ABCG2: variants seen among roughly 807,000 people sequenced by gnomAD.
ABCG2 encodes the protein broad substrate specificity ATP-binding cassette transporter ABCG2.
A neutral mutation model predicts 73.5 loss-of-function variants in ABCG2; 80 were observed. That is an observed-to-expected ratio of 1.09 (90% CI 0.91 to 1.31). The LOEUF (loss-of-function observed/expected upper bound fraction) is 1.31, where lower values mean the gene tolerates loss of function less well. Ranked by LOEUF, ABCG2 falls within the 50% of genes most tolerant of loss-of-function variation. ABCG2 has a pLI of 0.00. For synonymous variants in ABCG2, 269 were observed against 282.4 expected, an observed-to-expected ratio of 0.95 and a Z score of 0.48; for missense variants, 796 against 786.2, an observed-to-expected ratio of 1.01 and a Z score of -0.15.
intron 1 of ABCG2, among the ~76,000 whole-genome samples, chr4:88,183,192 A>G (rs866779075): frequency 7.9e-5 from 12 of 151,742 alleles, no homozygotes; most frequent in Middle Eastern, 3.2e-3. Context: ...CAAACCCAAA[A>G]CTGGTAGAAG....
chr4:88,111,525 CAT>C (rs1387962825), intron 9 of ABCG2, among the ~76,000 whole-genome samples: 1 of 151,730 alleles, frequency 6.6e-6, no homozygotes, highest in African/African-American at 2.4e-5. Context: ...TACATATATA[CAT>C]ATATATACAT....
chr4:88,109,252 C>T (rs1722966213), intron 9 of ABCG2, among the ~76,000 whole-genome samples: 1 of 152,124 alleles, frequency 6.6e-6, no homozygotes, highest in Non-Finnish European at 1.5e-5. Context: ...CCCGCCTTGG[C>T]CTCCCAAAGC....
intron 15 of ABCG2, among the ~76,000 whole-genome samples, chr4:88,094,332 C>A (rs1322890207): frequency 1.3e-5 from 2 of 152,100 alleles, no homozygotes; most frequent in East Asian, 3.9e-4. Flanking sequence ...AGGCCCAAAA[C>A]AATAAGAAAC....
At chr4:88,181,897 TAAC>T (rs1202408085) in intron 1 of ABCG2, among the ~76,000 whole-genome samples, 1 of 150,144 alleles carries the variant, frequency 6.7e-6, no homozygotes, top group Non-Finnish European at 1.5e-5. Context: ...ATAAAACAAA[TAAC>T]AAAATGGCAG....
chr4:88,100,084 T>C (rs572259283), intron 11 of ABCG2, among the ~76,000 whole-genome samples: 71 of 152,182 alleles, frequency 4.7e-4, no homozygotes, highest in African/African-American at 1.3e-3. Context: ...ATTATTTCCC[T>C]TTCTAATAAT....
At chr4:88,103,000 A>G (rs945700884) in intron 10 of ABCG2, among the ~76,000 whole-genome samples, 5 of 152,210 alleles carry the variant, frequency 3.3e-5, no homozygotes, top group Non-Finnish European at 5.9e-5. Context: ...AACTGAGTTG[A>G]ACTCCTGGCC....
chr4:88,131,654 T>A (rs1560696310), intron 4 of ABCG2, 149 bp downstream of exon 4: 1 of 612,108 alleles, frequency 1.6e-6, no homozygotes, highest in Non-Finnish European at 2.9e-6. Context: ...CACATAAGTG[T>A]CTATGAGAAA....
chr4:88,125,710 A>G (rs968516256), intron 5 of ABCG2, among the ~76,000 whole-genome samples: 1 of 151,960 alleles, frequency 6.6e-6, no homozygotes, highest in Non-Finnish European at 1.5e-5. Flanking sequence ...GAAGGCAGAA[A>G]TAAATAAATT....
chr4:88,181,808 G>A (rs1728265453), intron 1 of ABCG2, among the ~76,000 whole-genome samples: 1 of 151,760 alleles, frequency 6.6e-6, no homozygotes, highest in African/African-American at 2.4e-5. Context: ...AAACTAAAAA[G>A]AAATTAAAAC....
chr4:88,166,459 G>A lies in ABCG2; in HGVS notation c.-19-26445C>T, dbSNP rs189965918. On this transcript the variant is annotated intron_variant, in intron 1 of 15. Transcript: ENST00000515655. ...CTGTACAGAGAGCCTCTTCACCTGA[G>A]TAAGTGTAAATAAACCTTGTCTATT... Among the ~76,000 whole-genome samples the A allele has an allele frequency of 2.6e-3, 396 of 152,216 alleles. 1 individual carries two copies. Among genetic ancestry groups the A allele is most frequent in the African/African-American group, 9.0e-3 (373 of 41,526 alleles).
rs537851214 is a variant in ABCG2, at chr4:88,164,539, C to T, written c.-19-24525G>A. On this transcript the variant is annotated intron_variant, in intron 1 of 15. Coordinates refer to the ABCG2 transcript ENST00000515655. ...TTTGCTCGGCACTTCTCCTTCCTGCCGCCATGTGAAGAAGGATGTGTTTGC... is the reference window on the plus strand; with the variant it reads ...TTTGCTCGGCACTTCTCCTTCCTGCTGCCATGTGAAGAAGGATGTGTTTGC... Among the ~76,000 whole-genome samples, 15 of 152,246 alleles carry T rather than the reference C, an allele frequency of 9.9e-5. No individual in the cohort carries two copies. In the East Asian group the frequency reaches 2.5e-3, roughly 25 times the overall value.
chr4:88,157,154 T>C (rs549769095), intron 1 of ABCG2, among the ~76,000 whole-genome samples: 1 of 152,302 alleles, frequency 6.6e-6, no homozygotes, highest in Admixed American at 6.5e-5. Context: ...GATGGAAACT[T>C]TACTTCTGTG....
At chr4:88,119,421 G>A (rs560255994) in intron 6 of ABCG2, among the ~76,000 whole-genome samples, 1 of 152,356 alleles carries the variant, frequency 6.6e-6, no homozygotes, top group East Asian at 1.9e-4. Context: ...CTGGGTAACA[G>A]GCAGAGGCTG....
chr4:88,149,013 C>A (rs574495857), intron 1 of ABCG2, among the ~76,000 whole-genome samples: 19 of 152,178 alleles, frequency 1.2e-4, no homozygotes, highest in African/African-American at 4.3e-4. Flanking sequence ...TTTACATTCC[C>A]ACAAAAATCT....
intron 1 of ABCG2, among the ~76,000 whole-genome samples, chr4:88,144,699 C>T (rs957209562): frequency 5.3e-5 from 8 of 151,932 alleles, no homozygotes; most frequent in Non-Finnish European, 7.4e-5. Context: ...TCAGGTGATC[C>T]GCCCACGTCG....
At chr4:88,162,016 GTTGT>G (rs567856160), upstream of ABCG2, among the ~76,000 whole-genome samples, 87 of 151,940 alleles carry the variant, frequency 5.7e-4, no homozygotes, top group Admixed American at 1.3e-3. Flanking sequence ...TTTTGATGGG[GTTGT>G]TTGTTTTTTT....
chr4:88,099,588 T>A, intron 11 of ABCG2, 140 bp from the exon 12 acceptor site: 1 of 763,864 alleles, frequency 1.3e-6, no homozygotes, highest in Non-Finnish European at 2.0e-6. Flanking sequence ...CTAGACCCAC[T>A]ATGCATGCCC....
intron 1 of ABCG2, among the ~76,000 whole-genome samples, chr4:88,185,926 C>A (rs1334919703): frequency 6.6e-6 from 1 of 152,118 alleles, no homozygotes; most frequent in Admixed American, 6.6e-5. Context: ...ATTAGTCCAA[C>A]CACTATGGAG....
At chr4:88,166,984 G>T (rs961269338) in intron 1 of ABCG2, among the ~76,000 whole-genome samples, 5 of 152,102 alleles carry the variant, frequency 3.3e-5, no homozygotes, top group African/African-American at 1.2e-4. Context: ...GAAGGGAAGT[G>T]TATTTGTTTT....
Sources: gnomAD v4.1 joint callset for allele counts (sites outside exome capture counted in the v4.1 genomes callset) on GRCh38, gnomAD v4.1.1 for gene constraint, MANE v1.5 for transcripts, NCBI Gene and HGNC (gene_info 2026-07-23, HGNC 2026-07-21) for gene names.